The following COL5A2 variants were observed in gnomAD, a reference collection of about 807,000 sequenced individuals.
COL5A2 encodes the protein collagen type V alpha 2 chain.
A neutral mutation model predicts 208.2 loss-of-function variants in COL5A2; 23 were observed. The observed-to-expected ratio is 0.11, with a 90% CI of 0.08 to 0.16. The LOEUF is 0.16. Among genes scored for constraint, COL5A2 ranks in the 10% least tolerant of loss-of-function variants. The probability of loss-of-function intolerance (pLI) is 1.00; values close to 1 mark genes in which losing one functional copy is unlikely to be tolerated. For synonymous variants in COL5A2, 625 were observed against 628.5 expected (o/e 0.99, Z 0.08); for missense variants, 1,590 against 1,956.4 (o/e 0.81, Z 3.53).
the COL5A2 span, among the ~76,000 whole-genome samples, chr2:189,317,109 T>C: frequency 5.3e-5 from 8 of 152,070 alleles, no homozygotes; most frequent in Non-Finnish European, 1.0e-4. Flanking sequence ...AGGTATATTA[T>C]TTTTAAGAAA....
chr2:189,271,844 G>T, the COL5A2 span, among the ~76,000 whole-genome samples: 1 of 152,130 alleles, frequency 6.6e-6, no homozygotes, highest in Non-Finnish European at 1.5e-5. Flanking sequence ...CAAAAAGTGG[G>T]CCAAGGATAT....
the COL5A2 span, among the ~76,000 whole-genome samples, chr2:189,371,914 A>G: frequency 6.6e-6 from 1 of 152,268 alleles, no homozygotes; most frequent in East Asian, 1.9e-4. Context: ...AAATGGAGCC[A>G]AGAGCTAATA....
chr2:189,034,542 G>A (rs1685402883), intron 53 of COL5A2, among the ~76,000 whole-genome samples: 2 of 151,878 alleles, frequency 1.3e-5, no homozygotes, highest in South Asian at 4.1e-4. Flanking sequence ...ATATGCAAGC[G>A]GGGAGACTTA....
the COL5A2 span, among the ~76,000 whole-genome samples, chr2:189,396,990 C>CAAAAAAAAAA: frequency 1.0e-5 from 1 of 95,800 alleles, no homozygotes; most frequent in African/African-American, 4.2e-5. Flanking sequence ...GACTCCGTCT[C>CAAAAAAAAAA]AAAAAAAAAA....
At chr2:189,235,715 T>C in the COL5A2 span, among the ~76,000 whole-genome samples, 6 of 151,828 alleles carry the variant, frequency 4.0e-5, no homozygotes, top group African/African-American at 1.4e-4. Context: ...TCCATTCGAC[T>C]GCTCTTAGAC....
intron 1 of COL5A2, among the ~76,000 whole-genome samples, chr2:189,169,834 C>T (rs1688538037): frequency 6.6e-6 from 1 of 152,210 alleles, no homozygotes; most frequent in Admixed American, 6.5e-5. Context: ...CCTCAGCTTC[C>T]CGAGTAGCTG....
the COL5A2 span, among the ~76,000 whole-genome samples, chr2:189,277,054 G>A: frequency 3.3e-5 from 5 of 152,124 alleles, no homozygotes; most frequent in Non-Finnish European, 7.4e-5. Context: ...ATAAAACTTT[G>A]GGGACATTAT....
chr2:189,348,045 G>GAA, the COL5A2 span, among the ~76,000 whole-genome samples: 10 of 147,952 alleles, frequency 6.8e-5, no homozygotes, highest in Non-Finnish European at 1.2e-4. Context: ...ATTTAGACCA[G>GAA]AAAAAAAAAA....
chr2:189,176,173 A>G (rs1688675169), intron 1 of COL5A2, among the ~76,000 whole-genome samples: 1 of 152,222 alleles, frequency 6.6e-6, no homozygotes, highest in South Asian at 2.1e-4. Context: ...CTCATCTCTC[A>G]GTAATCAAAA....
At chr2:189,039,954 T>A (rs1685524423) in intron 50 of COL5A2, among the ~76,000 whole-genome samples, 1 of 152,182 alleles carries the variant, frequency 6.6e-6, no homozygotes, top group Non-Finnish European at 1.5e-5. Context: ...TGGATGAAGC[T>A]GAACAAAGCA....
chr2:189,421,731 C>A, the COL5A2 span, among the ~76,000 whole-genome samples: 1 of 152,192 alleles, frequency 6.6e-6, no homozygotes, highest in African/African-American at 2.4e-5. Context: ...CAGTCTGCAT[C>A]ACCACTGACC....
chr2:189,265,374 T>C, the COL5A2 span, among the ~76,000 whole-genome samples: 1 of 152,158 alleles, frequency 6.6e-6, no homozygotes, highest in Non-Finnish European at 1.5e-5. Context: ...GCCCCCTTCC[T>C]TGACTCTCTT....
the COL5A2 span, among the ~76,000 whole-genome samples, chr2:189,266,015 A>G: frequency 6.6e-6 from 1 of 152,246 alleles, no homozygotes; most frequent in African/African-American, 2.4e-5. Flanking sequence ...ACCAAAGTTT[A>G]TATCACAATT....
chr2:189,124,626 A>C (rs1481263978), intron 1 of COL5A2, among the ~76,000 whole-genome samples: 1 of 152,096 alleles, frequency 6.6e-6, no homozygotes, highest in Non-Finnish European at 1.5e-5. Flanking sequence ...AATTTAAAGA[A>C]AACTATCAAC....
chr2:189,280,917 T>C, the COL5A2 span, among the ~76,000 whole-genome samples: 1 of 151,984 alleles, frequency 6.6e-6, no homozygotes, highest in Non-Finnish European at 1.5e-5. Flanking sequence ...ATTCTAATAC[T>C]ATTCAATAAA....
At chr2:189,282,204 A>G in the COL5A2 span, among the ~76,000 whole-genome samples, 1 of 151,932 alleles carries the variant, frequency 6.6e-6, no homozygotes, top group East Asian at 1.9e-4. Context: ...AAATAAATAT[A>G]TATATATATC....
intron 1 of COL5A2, among the ~76,000 whole-genome samples, chr2:189,134,050 T>C (rs572963595): frequency 1.4e-4 from 21 of 152,170 alleles, no homozygotes; most frequent in Non-Finnish European, 2.8e-4. Flanking sequence ...AAAAATGATA[T>C]GCTGATTGAT....
chr2:189,401,553 T>C, the COL5A2 span, among the ~76,000 whole-genome samples: 1 of 152,206 alleles, frequency 6.6e-6, no homozygotes, highest in East Asian at 1.9e-4. Context: ...TATAATAGAA[T>C]GATTTGTATC....
intron 29 of COL5A2, among the ~76,000 whole-genome samples, chr2:189,062,123 T>C (rs1018195368): frequency 2.8e-4 from 43 of 151,504 alleles, no homozygotes; most frequent in Admixed American, 1.4e-3. Flanking sequence ...AGTCCTAAAA[T>C]GAAAATAGAC....
Sources: gnomAD v4.1 joint callset for allele counts (sites outside exome capture counted in the v4.1 genomes callset) on GRCh38, gnomAD v4.1.1 for gene constraint, MANE v1.5 for transcripts, NCBI Gene and HGNC (gene_info 2026-07-23, HGNC 2026-07-21) for gene names.